RASA1: variants seen among roughly 807,000 people sequenced by gnomAD.
RASA1 encodes the protein RAS p21 protein activator 1.
In RASA1, 25 loss-of-function variants were observed where a neutral mutation model predicts 132.2. That is an observed-to-expected ratio of 0.19 (90% CI 0.14 to 0.26). RASA1 has a LOEUF of 0.26. Ranked by LOEUF, RASA1 falls within the 10% of genes least tolerant of loss-of-function variation. The probability of loss-of-function intolerance (pLI) is 1.00; values close to 1 mark genes in which losing one functional copy is unlikely to be tolerated. For synonymous variants in RASA1, 477 were observed against 449.9 expected (o/e 1.06, Z -0.76); for missense variants, 964 against 1,299.2 (o/e 0.74, Z 3.97).
intron 1 of RASA1, among the ~76,000 whole-genome samples, chr5:87,292,223 T>G (rs1266481472): frequency 1.3e-5 from 2 of 152,282 alleles, no homozygotes; most frequent in Non-Finnish European, 2.9e-5. Flanking sequence ...GACTTTTGTG[T>G]CTGAGAAGGC....
intron 1 of RASA1, among the ~76,000 whole-genome samples, chr5:87,286,850 T>TAC (rs1561255954): frequency 6.7e-6 from 1 of 150,156 alleles, no homozygotes; most frequent in African/African-American, 2.5e-5. Context: ...CATATATATA[T>TAC]ACACCATATA....
At chr5:87,269,465 G>T (rs1157759217) in intron 1 of RASA1, among the ~76,000 whole-genome samples, 2 of 152,204 alleles carry the variant, frequency 1.3e-5, no homozygotes, top group African/African-American at 2.4e-5. Context: ...TTATTTCAGT[G>T]CACAGCCCAG....
chr5:87,380,393 G>C (rs934778428), intron 19 of RASA1, 116 bp from the exon 20 acceptor site: 7 of 961,746 alleles, frequency 7.3e-6, no homozygotes, highest in Middle Eastern at 2.2e-4. Flanking sequence ...ACTTTTTTGG[G>C]TAAAAGGCCA....
intron 9 of RASA1, among the ~76,000 whole-genome samples, chr5:87,361,016 TTACACACACACA>T (rs1192558288): frequency 6.6e-6 from 1 of 152,188 alleles, no homozygotes; most frequent in Non-Finnish European, 1.5e-5. Flanking sequence ...TGCAACACAG[TTACACACACACA>T]TACACACACA....
At chr5:87,309,946 G>T (rs1206758096) in intron 1 of RASA1, among the ~76,000 whole-genome samples, 1 of 152,026 alleles carries the variant, frequency 6.6e-6, no homozygotes, top group Non-Finnish European at 1.5e-5. Context: ...TATGTGATAA[G>T]ATCCTTTTTT....
rs975191415 is a variant in RASA1, at chr5:87,353,182, C to A, written c.1279C>A (p.Arg427=). Residue 427 remains arginine, a synonymous_variant, in exon 9 of 25, where the codon CGA becomes AGA. Transcript: ENST00000274376. The stretch of plus-strand genomic sequence containing the variant: ...CATTGGGGACATCATAGATCACTAT[C>A]GAAAAGAACAGATTGTTGAAGGATA... ...NSIGDIIDHY[R]KEQIVEGYYL... The A allele has an allele frequency of 4.3e-6, 7 of 1,610,270 alleles. No individual in the cohort carries two copies. The highest frequency in any genetic ancestry group is 1.1e-5 in the South Asian group (1 of 90,994).
At chr5:87,351,047 C>T (rs1285708349) in intron 8 of RASA1, among the ~76,000 whole-genome samples, 4 of 151,378 alleles carry the variant, frequency 2.6e-5, no homozygotes, top group African/African-American at 4.8e-5. Context: ...ATAAATCTGT[C>T]GAACACAGCC....
chr5:87,354,991 A>C (rs754208503), intron 9 of RASA1, among the ~76,000 whole-genome samples: 1 of 152,170 alleles, frequency 6.6e-6, no homozygotes, highest in African/African-American at 2.4e-5. Flanking sequence ...AGGAAGCTCC[A>C]GAAGAAAAGT....
At chr5:87,356,358 C>T (rs1382319031) in intron 9 of RASA1, among the ~76,000 whole-genome samples, 1 of 152,048 alleles carries the variant, frequency 6.6e-6, no homozygotes, top group African/African-American at 2.4e-5. Flanking sequence ...AAGATTATGA[C>T]TCACTGACGT....
At chr5:87,358,938 A>C (rs554274531) in intron 9 of RASA1, among the ~76,000 whole-genome samples, 1 of 132,958 alleles carries the variant, frequency 7.5e-6, no homozygotes, top group African/African-American at 2.8e-5. Context: ...AAAATTTAGC[A>C]AATTAGCAAA....
At chr5:87,292,428 T>A (rs1416262022) in intron 1 of RASA1, among the ~76,000 whole-genome samples, 1 of 151,434 alleles carries the variant, frequency 6.6e-6, no homozygotes, top group Non-Finnish European at 1.5e-5. Flanking sequence ...TGTTAAAAAG[T>A]CTGTCTTTGA....
At chr5:87,363,279 C>G in intron 10 of RASA1, 69 bp from the exon 11 acceptor site, 1 of 1,346,098 alleles carries the variant, frequency 7.4e-7, no homozygotes, top group Non-Finnish European at 1.0e-6. Flanking sequence ...TTTAGAAACA[C>G]TAATTTTAAT....
chr5:87,390,650 T>C (rs1762442658), intron 24 of RASA1, 150 bp from the exon 25 acceptor site: 9 of 711,604 alleles, frequency 1.3e-5, no homozygotes, highest in African/African-American at 7.1e-5. Context: ...AGCCAATGAC[T>C]GAATAATAGA....
At chr5:87,309,641 A>G (rs1387392193) in intron 1 of RASA1, among the ~76,000 whole-genome samples, 1 of 152,200 alleles carries the variant, frequency 6.6e-6, no homozygotes, top group East Asian at 1.9e-4. Flanking sequence ...GCACATGCAC[A>G]TCTTGTATTT....
In RASA1 at chr5:87,268,971, A is replaced by G; in HGVS notation, c.520A>G (p.Thr174Ala). ...GGAGGAAGAGGTGGCCATACCGTTG[A>G]CCGCTCCTCCAACTAACCAGTAAGT... ...YEEEEVAIPLTAPPTNQWYHG... is the reference protein window; with the variant it reads ...YEEEEVAIPLAAPPTNQWYHG... The change falls in exon 1 of 25, where the codon ACC (threonine) becomes GCC (alanine). Residue 174 changes from threonine to alanine, a missense_variant. Physicochemically the swap from Thr to Ala is moderately conservative, Grantham distance 58 (BLOSUM62 0). Transcript: ENST00000274376. 1 of 1,614,156 alleles carries G rather than the reference A, an allele frequency of 6.2e-7. No individual in the cohort carries two copies. Among genetic ancestry groups the G allele is most frequent in the Non-Finnish European group, 8.5e-7 (1 of 1,180,026 alleles).
At chr5:87,315,431 C>G (rs1048215971) in intron 1 of RASA1, among the ~76,000 whole-genome samples, 1 of 152,184 alleles carries the variant, frequency 6.6e-6, no homozygotes, top group African/African-American at 2.4e-5. Context: ...ATGACCCTAT[C>G]TAATCCTCAC....
At chr5:87,279,723 T>A (rs1754228758) in intron 1 of RASA1, among the ~76,000 whole-genome samples, 1 of 152,272 alleles carries the variant, frequency 6.6e-6, no homozygotes. Context: ...ATTGTGATTT[T>A]GATTAACATT....
At chr5:87,271,765 C>A (rs1362403971) in intron 1 of RASA1, among the ~76,000 whole-genome samples, 1 of 151,846 alleles carries the variant, frequency 6.6e-6, no homozygotes, top group Non-Finnish European at 1.5e-5. Flanking sequence ...TGTGAGCCAC[C>A]GCGCCTGGCC....
Position 87,333,352 on chromosome 5 carries a change from A to G in RASA1, c.899+15A>G, listed in dbSNP as rs770283257. The G allele has an allele frequency of 1.9e-5, 31 of 1,612,314 alleles. No individual in the cohort carries two copies. The highest frequency in any genetic ancestry group is 2.5e-5 in the Non-Finnish European group (30 of 1,179,146). On this transcript the variant is annotated intron_variant, in intron 4 of 24. Transcript: ENST00000274376. ...GATGAAATAAGGTATTTTATAATCT[A>G]TTCTCATGTATAGGCATTTGAAAGA...
Sources: allele counts gnomAD v4.1 joint callset (sites outside exome capture counted in the v4.1 genomes callset), GRCh38; gene constraint gnomAD v4.1.1; transcripts MANE v1.5; gene names NCBI Gene and HGNC (gene_info 2026-07-23, HGNC 2026-07-21).